The following DEF6 variants were observed in gnomAD, a reference collection of about 807,000 sequenced individuals.
DEF6 encodes DEF6 guanine nucleotide exchange factor, also known as differentially expressed in FDCP 6 homolog.
In DEF6, 32 loss-of-function variants were observed where a neutral mutation model predicts 80.5. The ratio of observed to expected loss-of-function variants is 0.40; its 90% CI spans 0.30 to 0.53. The LOEUF is 0.53. DEF6 is among the 20% of genes least tolerant of loss of function. The pLI is 0.57. For synonymous variants in DEF6, 300 were observed against 337.9 expected, an observed-to-expected ratio of 0.89 and a Z score of 1.23; for missense variants, 575 against 818.7, an observed-to-expected ratio of 0.70 and a Z score of 3.63.
At chr6:35,320,561 C>T (rs1791579097) in intron 9 of DEF6, among the ~76,000 whole-genome samples, 1 of 152,148 alleles carries the variant, frequency 6.6e-6, no homozygotes, top group Admixed American at 6.5e-5. Context: ...GTCACTTAAC[C>T]TCTTTTGAAC....
Position 35,321,204 on chromosome 6 carries a change from A to T in DEF6, c.1690A>T (p.Ser564Cys). Residue 564 changes from serine to cysteine, a missense_variant, in exon 11 of 11, where the codon AGC becomes TGC. By Grantham distance (112) the Ser-to-Cys change is moderately radical. Coordinates refer to ENST00000316637, the MANE Select transcript of DEF6 (RefSeq NM_022047.4). Reference sequence around the variant, plus strand: ...TCTGCCAGATAAGCGTCCGGTCACCAGCAGCTCCTTCTCAGGCTTCCAGCC... The same window carrying T: ...TCTGCCAGATAAGCGTCCGGTCACCTGCAGCTCCTTCTCAGGCTTCCAGCC... ...IEPGDKRPVT[S>C]SSFSGFQPPL... 6.2e-7 allele frequency: 1 copy of T among 1,612,524 alleles called. No individual in the cohort carries two copies. Among genetic ancestry groups the T allele is most frequent in the Non-Finnish European group, 8.5e-7 (1 of 1,179,922 alleles).
chr6:35,317,722 AC>A, intron 5 of DEF6, 168 bp from the exon 6 acceptor site: 1 of 475,232 alleles, frequency 2.1e-6, no homozygotes. Context: ...AGTTGTGGGG[AC>A]TTAAGTCCCC....
chr6:35,321,086 G>A, intron 10 of DEF6, 101 bp from the exon 11 acceptor site: 1 of 1,547,804 alleles, frequency 6.5e-7, no homozygotes, highest in African/African-American at 1.4e-5. Context: ...AGCAGGACTG[G>A]CAGTCAGGAG....
At chr6:35,302,646 C>CA (rs1190730477) in intron 1 of DEF6, among the ~76,000 whole-genome samples, 1 of 152,198 alleles carries the variant, frequency 6.6e-6, no homozygotes, top group Admixed American at 6.5e-5. Flanking sequence ...ACTGCCAACT[C>CA]AGAGGCCAGA....
In DEF6 at chr6:35,318,180, G is replaced by C. The variant is rs1436577554; in HGVS notation, c.924G>C (p.Gln308His). 6.4e-7 allele frequency: 1 copy of C among 1,562,332 alleles called. No homozygotes were observed. The highest frequency in any genetic ancestry group is 2.3e-5 in the East Asian group (1 of 43,968). The part of the protein sequence containing the change: ...RQRQEWTAAI[Q>H]MAIRLQAEGK... ...GCTCCCGCTCTTCGGCAGCCATCCA[G>C]ATGGCGATCCGGCTGCAGGCCGAGG... The change falls in exon 7 of 11, where the codon CAG becomes CAC. Residue 308 changes from glutamine (Q) to histidine (H), a missense_variant. Gln to His is a conservative substitution (Grantham distance 24). Transcript: ENST00000316637. The surrounding 1 kb of genome is among the most constrained non-coding windows in gnomAD (Gnocchi z 5.1).
intron 1 of DEF6, among the ~76,000 whole-genome samples, chr6:35,303,857 G>A (rs1450159743): frequency 1.3e-5 from 2 of 152,188 alleles, no homozygotes; most frequent in Non-Finnish European, 2.9e-5. Flanking sequence ...ATTAGGCCCA[G>A]CACGGTGGCT....
Position 35,312,833 on chromosome 6 carries a change from G to A in DEF6, c.807+61G>A. The A allele has an allele frequency of 1.3e-6, 2 of 1,520,904 alleles. No individual in the cohort carries two copies. The highest frequency in any genetic ancestry group is 8.9e-7 in the Non-Finnish European group (1 of 1,118,230). 94.2% of individuals were successfully genotyped at this position (1,520,904 alleles called of 1,614,324 possible). A position where few individuals can be genotyped will look rare whatever the true frequency, so the allele number is the denominator to read the frequency against. On this transcript the variant is annotated intron_variant, in intron 5 of 10. Transcript: ENST00000316637. This position sits in a 1 kb window ranked among gnomAD's most constrained non-coding sequence, Gnocchi z 6.6. ...GCCCAGAGTGTCCTCAGGGGCATGA[G>A]AAGACAAGGGGGTCAGGAGAGGGGC...
chr6:35,315,362 G>A (rs1448660573), intron 5 of DEF6, among the ~76,000 whole-genome samples: 7 of 151,960 alleles, frequency 4.6e-5, no homozygotes, highest in Non-Finnish European at 1.0e-4. Flanking sequence ...AGTTCGTAGT[G>A]TATTTTGAAG....
chr6:35,308,698 AAAATAAAATAAAAT>A (rs1165313860), intron 1 of DEF6, among the ~76,000 whole-genome samples: 12 of 147,748 alleles, frequency 8.1e-5, no homozygotes, highest in Admixed American at 5.4e-4. Flanking sequence ...AAAATAAAAT[AAAATAAAATAAAAT>A]AAAATAAAAT....
intron 1 of DEF6, among the ~76,000 whole-genome samples, chr6:35,304,190 G>A (rs188490985): frequency 8.2e-4 from 125 of 152,122 alleles, no homozygotes; most frequent in Non-Finnish European, 1.6e-3. Context: ...GTGTGATGGC[G>A]CACGCCTACA....
At chr6:35,306,172 G>C (rs1413817564) in intron 1 of DEF6, among the ~76,000 whole-genome samples, 1 of 151,164 alleles carries the variant, frequency 6.6e-6, no homozygotes, top group Admixed American at 6.6e-5. Context: ...GGGATTACAG[G>C]CGTGAGCCCC....
intron 1 of DEF6, among the ~76,000 whole-genome samples, chr6:35,301,807 A>G (rs1261097361): frequency 6.9e-6 from 1 of 144,834 alleles, no homozygotes; most frequent in African/African-American, 2.6e-5. Context: ...GCTCACTGCA[A>G]CCTCCACCTC....
chr6:35,318,324 G>C lies in DEF6; in HGVS notation c.1068G>C (p.Glu356Asp). Residue 356 changes from glutamate to aspartate, a missense_variant, in exon 7 of 11, where the codon GAG becomes GAC. Coordinates refer to ENST00000316637, the MANE Select transcript of DEF6 (RefSeq NM_022047.4). The surrounding 1 kb of genome is among the most constrained non-coding windows in gnomAD (Gnocchi z 5.1). ...TGCGGCTGCAGCAGCTGCAGGAGGAGAAGGAGCGGAAGCTGCAGGAGCTGG... is the reference window on the plus strand; with the variant it reads ...TGCGGCTGCAGCAGCTGCAGGAGGACAAGGAGCGGAAGCTGCAGGAGCTGG... ...ELLRLQQLQE[E>D]KERKLQELEL... 17 of 1,546,856 alleles carry C rather than the reference G, an allele frequency of 1.1e-5. No individual in the cohort carries two copies. Among genetic ancestry groups the C allele is most frequent in the Non-Finnish European group, 1.5e-5 (17 of 1,147,136 alleles).
Position 35,317,938 on chromosome 6 carries a change from A to G in DEF6, c.855A>G (p.Thr285=), listed in dbSNP as rs771119593. 3.1e-6 allele frequency: 5 copies of G among 1,614,036 alleles called. No homozygotes were observed. The East Asian group carries it at 1.1e-4, about 36-fold the overall frequency. The change falls in exon 6 of 11, where the codon ACA becomes ACG. Residue 285 remains threonine (T), a synonymous_variant. Coordinates refer to ENST00000316637, the MANE Select transcript of DEF6 (RefSeq NM_022047.4). ...AGCGCTGCATGTTCTGTGTGAAGAC[A>G]GCCAACCGCACGTATGAGATGAGCG... ...DGKRCMFCVK[T]ANRTYEMSAS...
Position 35,320,871 on chromosome 6 carries a change from C to A in DEF6, c.1582-13C>A. ...ATGGTTCTGATCACTCCCCACTGGCCCTGTCCCCACAGGCTGCCCAGAGAA... is the reference window on the plus strand; with the variant it reads ...ATGGTTCTGATCACTCCCCACTGGCACTGTCCCCACAGGCTGCCCAGAGAA... On this transcript the variant is annotated splice_polypyrimidine_tract_variant and intron_variant, in intron 9 of 10. Transcript: ENST00000316637. The A allele has an allele frequency of 6.2e-7, 1 of 1,600,964 alleles. No individual in the cohort carries two copies.
At chr6:35,309,620 A>G (rs986620281) in intron 1 of DEF6, 50 bp from the exon 2 acceptor site, 31 of 1,598,274 alleles carry the variant, frequency 1.9e-5, no homozygotes, top group Non-Finnish European at 2.6e-5. Flanking sequence ...CCTCTGGCCC[A>G]GTTTTGGTTG....
intron 1 of DEF6, among the ~76,000 whole-genome samples, chr6:35,298,254 C>T (rs1375232998): frequency 6.6e-6 from 1 of 152,240 alleles, no homozygotes; most frequent in Non-Finnish European, 1.5e-5. Flanking sequence ...AGCCAGGCCA[C>T]ATCCCAGACT....
chr6:35,319,714 G>A lies in DEF6; in HGVS notation c.1382+24G>A, dbSNP rs969261846. On this transcript the variant is annotated intron_variant, in intron 8 of 10. Transcript: ENST00000316637. This position sits in a 1 kb window ranked among gnomAD's most constrained non-coding sequence, Gnocchi z 4.5. ...AGGTAGGCCTGAGGAACCTCTTCTG[G>A]TTCTCTCACCACCCCTCCTGGAACA... The A allele has an allele frequency of 6.2e-7, 1 of 1,607,414 alleles. No individual in the cohort carries two copies. The highest frequency in any genetic ancestry group is 1.1e-5 in the South Asian group (1 of 90,634).
At chr6:35,304,925 AAAG>A (rs1791369977) in intron 1 of DEF6, among the ~76,000 whole-genome samples, 1 of 151,428 alleles carries the variant, frequency 6.6e-6, no homozygotes, top group Non-Finnish European at 1.5e-5. Context: ...TGGTTTAAAA[AAAG>A]AAAACACACA....
Sources: allele counts gnomAD v4.1 joint callset (sites outside exome capture counted in the v4.1 genomes callset), GRCh38; gene constraint gnomAD v4.1.1; non-coding constraint Gnocchi (gnomAD v3.1); transcripts MANE v1.5; gene names NCBI Gene and HGNC (gene_info 2026-07-23, HGNC 2026-07-21).